MALRD1: variants seen among roughly 807,000 people sequenced by gnomAD.
The protein encoded by MALRD1 is MAM and LDL-receptor class A domain-containing protein 1.
Under a neutral mutation model 242.1 loss-of-function variants are expected in MALRD1, and 247 were observed. The observed-to-expected ratio is 1.02, with a 90% CI of 0.92 to 1.13. The LOEUF (loss-of-function observed/expected upper bound fraction) is 1.13. Among genes scored for constraint, MALRD1 ranks in the 50% most tolerant of loss-of-function variants. The probability of loss-of-function intolerance (pLI) is 0.00; values close to 1 mark genes in which losing one functional copy is unlikely to be tolerated. For synonymous variants in MALRD1, 995 were observed against 866.6 expected, an observed-to-expected ratio of 1.15 and a Z score of -2.60; for missense variants, 2,989 against 2,533.1, an observed-to-expected ratio of 1.18 and a Z score of -3.86.
chr10:19,341,847 A>G (rs1191165182), intron 24 of MALRD1, among the ~76,000 whole-genome samples: 1 of 152,024 alleles, frequency 6.6e-6, no homozygotes, highest in Non-Finnish European at 1.5e-5. Context: ...TTTCATCACC[A>G]TGTCAGTAAC....
chr10:19,111,410 G>C (rs1425310838), intron 5 of MALRD1, among the ~76,000 whole-genome samples: 1 of 152,154 alleles, frequency 6.6e-6, no homozygotes, highest in Admixed American at 6.5e-5. Flanking sequence ...TAAATGTTAA[G>C]ACTCATTTAT....
chr10:19,598,226 A>G (rs1325541137), intron 34 of MALRD1: 4 of 152,186 alleles, frequency 2.6e-5, no homozygotes, highest in Admixed American at 6.6e-5. Flanking sequence ...GAGGAAGAGA[A>G]AGGAATCAAC....
chr10:19,417,588 A>C (rs556069432), intron 28 of MALRD1, among the ~76,000 whole-genome samples: 229 of 152,302 alleles, frequency 1.5e-3, no homozygotes, highest in Non-Finnish European at 2.5e-3. Flanking sequence ...ACTCTTAAGT[A>C]AAGTTTTAAT....
intron 32 of MALRD1, among the ~76,000 whole-genome samples, chr10:19,565,880 C>A (rs1836227517): frequency 6.6e-6 from 1 of 152,064 alleles, no homozygotes; most frequent in Non-Finnish European, 1.5e-5. Flanking sequence ...AAACTTTGGG[C>A]AAGTTTTAAA....
intron 38 of MALRD1, among the ~76,000 whole-genome samples, chr10:19,705,787 C>T (rs1206379436): frequency 9.1e-6 from 1 of 110,078 alleles, no homozygotes; most frequent in Non-Finnish European, 1.7e-5. Flanking sequence ...TAACCTTGTT[C>T]TCATGTCCTG....
chr10:19,215,100 G>A (rs1257126778), intron 18 of MALRD1, among the ~76,000 whole-genome samples: 2 of 152,150 alleles, frequency 1.3e-5, no homozygotes, highest in African/African-American at 2.4e-5. Flanking sequence ...CCTTTTGGTA[G>A]CCATTGCTTT....
intron 21 of MALRD1, among the ~76,000 whole-genome samples, chr10:19,285,280 G>T (rs201515849): frequency 0.045 from 5,784 of 128,560 alleles, 112 homozygotes; most frequent in East Asian, 0.071. Flanking sequence ...GTCAATTTTG[G>T]CTTTTGTTGC....
chr10:19,477,954 C>A (rs1035340835), intron 29 of MALRD1, among the ~76,000 whole-genome samples: 1 of 152,184 alleles, frequency 6.6e-6, no homozygotes, highest in Non-Finnish European at 1.5e-5. Flanking sequence ...TCCCAAGTAA[C>A]CCTTTTCTAC....
In MALRD1 at chr10:19,602,315, A is replaced by G. The variant is rs1460080778; in HGVS notation, c.5945-5462A>G. ...CACCCATTAACTCATCATTTACATT[A>G]GGTATATCTCCTAATGCTATCCCTC... On this transcript the variant is annotated intron_variant, in intron 34 of 39. Coordinates refer to ENST00000454679, the MANE Select transcript of MALRD1 (RefSeq NM_001142308.3). 1.3e-5 allele frequency among the ~76,000 whole-genome samples: 2 copies of G among 148,940 alleles called. 1 individual carries two copies. Among genetic ancestry groups the G allele is most frequent in the Non-Finnish European group, 3.0e-5 (2 of 67,492 alleles).
At chr10:19,486,944 C>CTTA (rs1209900590) in intron 29 of MALRD1, among the ~76,000 whole-genome samples, 1 of 152,066 alleles carries the variant, frequency 6.6e-6, no homozygotes, top group African/African-American at 2.4e-5. Flanking sequence ...ACCTTATGTT[C>CTTA]TTACTGGATT....
chr10:19,667,505 G>T (rs1841726020), intron 36 of MALRD1, among the ~76,000 whole-genome samples: 1 of 152,036 alleles, frequency 6.6e-6, no homozygotes, highest in African/African-American at 2.4e-5. Flanking sequence ...TGGGTCATGG[G>T]GACAGATTCT....
intron 38 of MALRD1, among the ~76,000 whole-genome samples, chr10:19,699,203 TATAATAATAATA>T (rs149007944): frequency 3.4e-5 from 5 of 147,220 alleles, no homozygotes. Context: ...GAACTTAAAG[TATAATAATAATA>T]ATAATAATAA....
chr10:19,291,318 C>T (rs1006069279), intron 21 of MALRD1: 1 of 152,050 alleles, frequency 6.6e-6, no homozygotes, highest in African/African-American at 2.4e-5. Context: ...AGATTAAAGA[C>T]CACTGAAAAT....
intron 38 of MALRD1, among the ~76,000 whole-genome samples, chr10:19,692,886 T>TATGTATAA (rs373717863): frequency 1.5e-5 from 2 of 136,868 alleles, no homozygotes; most frequent in African/African-American, 2.9e-5. Flanking sequence ...TATATATATA[T>TATGTATAA]AATTTCATCC....
intron 36 of MALRD1, among the ~76,000 whole-genome samples, chr10:19,644,173 T>C (rs1019800443): frequency 6.6e-6 from 1 of 152,214 alleles, no homozygotes; most frequent in Non-Finnish European, 1.5e-5. Context: ...GTCCTCTGTG[T>C]TCTGCTGGAA....
Position 19,707,786 on chromosome 10 carries a change from T to TA in MALRD1, c.6314+15254dup, listed in dbSNP as rs35967457. On this transcript the variant is annotated intron_variant, in intron 38 of 39. Coordinates refer to ENST00000454679, the MANE Select transcript of MALRD1 (RefSeq NM_001142308.3). Reference sequence around the variant, plus strand: ...TAACATGGTGAAACCCCATCTGTACTAAAAAAAAAAAAAAAAAAAAAATAC... The same window carrying TA: ...TAACATGGTGAAACCCCATCTGTACTAAAAAAAAAAAAAAAAAAAAAAATAC... 7.1e-3 allele frequency among the ~76,000 whole-genome samples: 429 copies of TA among 60,840 alleles called. 33 individuals are homozygous for TA. Among genetic ancestry groups the TA allele is most frequent in the Middle Eastern group, 0.021 (2 of 96 alleles). 39.9% of individuals were successfully genotyped at this position (60,840 alleles called of 152,430 possible).
In MALRD1 at chr10:19,165,333, T is replaced by C. The variant is rs569393577; in HGVS notation, c.1657-304T>C. The stretch of plus-strand genomic sequence containing the variant: ...TTTGTTTTTTGAGATGGAGTCTCAC[T>C]CTTGTTGCCCAGGCTGGAGTGCAAT... On this transcript the variant is annotated intron_variant, in intron 12 of 39. Coordinates refer to ENST00000454679, the MANE Select transcript of MALRD1 (RefSeq NM_001142308.3). Among the ~76,000 whole-genome samples, 7 of 150,204 alleles carry C rather than the reference T, an allele frequency of 4.7e-5. No individual in the cohort carries two copies. In the South Asian group the frequency reaches 1.1e-3, roughly 23 times the overall value.
Position 19,075,402 on chromosome 10 carries a change from G to A in MALRD1, c.340+8543G>A, listed in dbSNP as rs555182578. On this transcript the variant is annotated intron_variant, in intron 2 of 39. Transcript: ENST00000454679. ...AGTGTAATCACATGAGCCCTTAAAA[G>A]CAGAAGTGGAAGGCAGGAGAGCTAA... 1.2e-4 allele frequency among the ~76,000 whole-genome samples: 19 copies of A among 152,150 alleles called. No homozygotes were observed. The East Asian group carries it at 3.7e-3, about 30-fold the overall frequency.
intron 28 of MALRD1, among the ~76,000 whole-genome samples, chr10:19,428,192 A>AT (rs1013587798): frequency 7.3e-5 from 11 of 151,384 alleles, no homozygotes; most frequent in Admixed American, 2.0e-4. Context: ...AGATGGGTGG[A>AT]TGATCTCCAA....
Sources: gnomAD v4.1 joint callset for allele counts (sites outside exome capture counted in the v4.1 genomes callset) on GRCh38, gnomAD v4.1.1 for gene constraint, MANE v1.5 for transcripts, NCBI Gene and HGNC (gene_info 2026-07-23, HGNC 2026-07-21) for gene names.